Variants in C4BPA observed in about 807,000 individuals in gnomAD.
C4BPA encodes complement component 4 binding protein alpha, also known as C4b-binding protein alpha chain.
In C4BPA, 31 loss-of-function variants were observed where a neutral mutation model predicts 63.7. That is an observed-to-expected ratio of 0.49 (90% CI 0.37 to 0.66). The LOEUF (loss-of-function observed/expected upper bound fraction) is 0.66, where lower values mean the gene tolerates loss of function less well. Ranked by LOEUF, C4BPA falls within the 30% of genes least tolerant of loss-of-function variation. The pLI, the probability that C4BPA is intolerant of heterozygous loss-of-function variation, is 0.00. For missense variants in C4BPA, 572 were observed against 723.3 expected, an observed-to-expected ratio of 0.79 and a Z score of 2.40; for synonymous variants, 259 against 254.7, an observed-to-expected ratio of 1.02 and a Z score of -0.16.
At chr1:207,116,973 C>A (rs1684806360) in intron 4 of C4BPA, among the ~76,000 whole-genome samples, 1 of 152,104 alleles carries the variant, frequency 6.6e-6, no homozygotes, top group Non-Finnish European at 1.5e-5. Flanking sequence ...TTTTCCTGTA[C>A]ATTTATGTAT....
chr1:207,124,416 T>A, intron 6 of C4BPA, 50 bp downstream of exon 6: 2 of 1,409,564 alleles, frequency 1.4e-6, no homozygotes, highest in Non-Finnish European at 2.0e-6. Context: ...CTCTTTTGTT[T>A]AAAAGAGAAA....
intron 9 of C4BPA, among the ~76,000 whole-genome samples, chr1:207,135,452 C>A (rs575474423): frequency 6.6e-6 from 1 of 152,276 alleles, no homozygotes; most frequent in Non-Finnish European, 1.5e-5. Flanking sequence ...CCAAAGTGAT[C>A]AGGCATTAGT....
chr1:207,107,691 C>G (rs1684588148), intron 1 of C4BPA, among the ~76,000 whole-genome samples: 1 of 152,148 alleles, frequency 6.6e-6, no homozygotes, highest in African/African-American at 2.4e-5. Context: ...TGTTTTTAAG[C>G]AGAGTAACAA....
chr1:207,136,457 C>T (rs1685281003), intron 9 of C4BPA, among the ~76,000 whole-genome samples: 1 of 152,200 alleles, frequency 6.6e-6, no homozygotes, highest in South Asian at 2.1e-4. Flanking sequence ...TCTCTTTGTG[C>T]CCAATCTTCC....
intron 1 of C4BPA, among the ~76,000 whole-genome samples, chr1:207,105,888 A>G (rs1304155161): frequency 6.6e-6 from 1 of 152,238 alleles, no homozygotes; most frequent in Non-Finnish European, 1.5e-5. Context: ...CATGCTGACT[A>G]AAGTTCTTGA....
At chr1:207,105,713 C>G (rs1207424837) in intron 1 of C4BPA, among the ~76,000 whole-genome samples, 1 of 152,032 alleles carries the variant, frequency 6.6e-6, no homozygotes, top group Non-Finnish European at 1.5e-5. Context: ...ACTATCCTTT[C>G]ACAAGGTATC....
chr1:207,104,451 T>C (rs1684520864), intron 1 of C4BPA, 21 bp downstream of exon 1: 1 of 152,218 alleles, frequency 6.6e-6, no homozygotes, highest in Non-Finnish European at 1.5e-5. Flanking sequence ...TACTAAACCC[T>C]TGGGGAAGCT....
At chr1:207,127,828 G>A (rs1407563804) in intron 7 of C4BPA, among the ~76,000 whole-genome samples, 1 of 152,218 alleles carries the variant, frequency 6.6e-6, no homozygotes, top group African/African-American at 2.4e-5. Context: ...GCTCTACCTT[G>A]CGGGAGGATG....
At chr1:207,136,308 ACTTCAACTG>A in intron 9 of C4BPA, among the ~76,000 whole-genome samples, 1 of 152,210 alleles carries the variant, frequency 6.6e-6, no homozygotes, top group South Asian at 2.1e-4. Flanking sequence ...AGAATGGCTT[ACTTCAACTG>A]GCTGAGACTT....
intron 1 of C4BPA, among the ~76,000 whole-genome samples, chr1:207,107,716 T>G (rs950969378): frequency 7.2e-5 from 11 of 152,184 alleles, no homozygotes; most frequent in Non-Finnish European, 1.5e-4. Flanking sequence ...TAAATTGCTT[T>G]TTAGGGACAT....
In C4BPA at chr1:207,124,175, T is replaced by TTGTCAAG; in HGVS notation, c.519_525dup (p.Lys176GlnfsTer3). 6.2e-7 allele frequency: 1 copy of TTGTCAAG among 1,612,150 alleles called. No individual in the cohort carries two copies. The highest frequency in any genetic ancestry group is 8.5e-7 in the Non-Finnish European group (1 of 1,178,378). On this transcript the variant is annotated frameshift_variant and splice_region_variant, in exon 6 of 12. Transcript: ENST00000367070. LOFTEE classifies it high-confidence loss of function. ...CTTTCTCTTCACTCACTTACCTCAGTTGTCAAGTGTAAGCCTCCTCCAGAC... is the reference window on the plus strand; with the variant it reads ...CTTTCTCTTCACTCACTTACCTCAGTTGTCAAGTGTCAAGTGTAAGCCTCCTCCAGAC...
chr1:207,115,610 G>T (rs556643767), intron 4 of C4BPA, 95 bp downstream of exon 4: 8 of 631,484 alleles, frequency 1.3e-5, no homozygotes, highest in Non-Finnish European at 2.1e-5. Flanking sequence ...GATGTAAAAA[G>T]ATAGACGTTG....
intron 4 of C4BPA, among the ~76,000 whole-genome samples, chr1:207,119,670 T>A (rs1325257103): frequency 1.1e-5 from 1 of 92,644 alleles, no homozygotes; most frequent in African/African-American, 3.0e-5. Context: ...ATAACTTAAA[T>A]ATTGAGATGT....
chr1:207,116,340 G>A (rs1684785233), intron 4 of C4BPA, among the ~76,000 whole-genome samples: 1 of 151,122 alleles, frequency 6.6e-6, no homozygotes, highest in African/African-American at 2.4e-5. Context: ...TTGTGCACTA[G>A]TTAGCATGTC....
At chr1:207,109,802 A>C (rs1684628844) in intron 1 of C4BPA, among the ~76,000 whole-genome samples, 1 of 152,216 alleles carries the variant, frequency 6.6e-6, no homozygotes, top group Non-Finnish European at 1.5e-5. Flanking sequence ...AGTTGATGAT[A>C]TGATGACTTC....
intron 2 of C4BPA, 141 bp from the exon 3 acceptor site, chr1:207,113,959 A>G (rs1684725323): frequency 9.2e-6 from 6 of 653,468 alleles, no homozygotes; most frequent in Non-Finnish European, 1.4e-5. Context: ...AACAGAGAGT[A>G]TAATAGGAGT....
intron 7 of C4BPA, 117 bp from the exon 8 acceptor site, chr1:207,131,429 G>A (rs906270714): frequency 3.0e-6 from 2 of 673,800 alleles, no homozygotes; most frequent in African/African-American, 3.6e-5. Context: ...AGGCCTTGCA[G>A]GCTGGTTCCA....
At chr1:207,125,155 C>G (rs1685011623) in intron 6 of C4BPA, among the ~76,000 whole-genome samples, 1 of 152,222 alleles carries the variant, frequency 6.6e-6, no homozygotes, top group South Asian at 2.1e-4. Flanking sequence ...CACAAAAGAG[C>G]AGGATACTGC....
chr1:207,144,869 A>G lies in C4BPA; in HGVS notation c.*152A>G. ...TAATTTGCTAAAGTTTAGTGCTTTG[A>G]GATTGTGAAATTATTAATCATCCTC... On this transcript the variant is annotated 3_prime_UTR_variant, in exon 12 of 12. Coordinates refer to ENST00000367070, the MANE Select transcript of C4BPA (RefSeq NM_000715.4). The G allele has an allele frequency of 2.2e-6, 1 of 447,472 alleles. No individual in the cohort carries two copies. Among genetic ancestry groups the G allele is most frequent in the South Asian group, 6.1e-5 (1 of 16,392 alleles). 27.7% of individuals were successfully genotyped at this position (447,472 alleles called of 1,614,324 possible).
Sources: allele counts gnomAD v4.1 joint callset (sites outside exome capture counted in the v4.1 genomes callset), GRCh38; gene constraint gnomAD v4.1.1; transcripts MANE v1.5; gene names NCBI Gene and HGNC (gene_info 2026-07-23, HGNC 2026-07-21).